The following PCDHGA1 variants were observed in gnomAD, a reference collection of about 807,000 sequenced individuals.
PCDHGA1 encodes the protein protocadherin gamma-A1.
In PCDHGA1, 32 loss-of-function variants were observed where a neutral mutation model predicts 58.0. The observed-to-expected ratio is 0.55, with a 90% CI of 0.42 to 0.74. PCDHGA1 has a LOEUF of 0.74. PCDHGA1 is among the 30% of genes least tolerant of loss of function. The pLI, the probability that PCDHGA1 is intolerant of heterozygous loss-of-function variation, is 0.00. For synonymous variants in PCDHGA1, 498 were observed against 501.1 expected (o/e 0.99, Z 0.08); for missense variants, 1,205 against 1,182.3 (o/e 1.02, Z -0.28).
intron 1 of PCDHGA1, chr5:141,403,657 A>G (rs753978186): frequency 2.5e-6 from 4 of 1,613,924 alleles, no homozygotes; most frequent in East Asian, 2.2e-5. Context: ...TGTTGGATAC[A>G]AATGATAATG....
At chr5:141,357,773 T>C in intron 1 of PCDHGA1, 1 of 917,442 alleles carries the variant, frequency 1.1e-6, no homozygotes, top group Non-Finnish European at 1.6e-6. Context: ...CTTCCAATAA[T>C]GATCAACAGT....
intron 1 of PCDHGA1, among the ~76,000 whole-genome samples, chr5:141,425,603 A>G (rs2096884807): frequency 6.6e-6 from 1 of 152,218 alleles, no homozygotes; most frequent in Non-Finnish European, 1.5e-5. Context: ...TATGCCCTAT[A>G]TAGCTTTCAG....
At chr5:141,355,564 G>A in intron 1 of PCDHGA1, 2 of 1,614,036 alleles carry the variant, frequency 1.2e-6, no homozygotes, top group South Asian at 1.1e-5. Context: ...GGTAGAGGTG[G>A]AAATAATCGA....
chr5:141,412,357 T>A (rs756056496), intron 1 of PCDHGA1: 17 of 152,366 alleles, frequency 1.1e-4, no homozygotes, highest in Middle Eastern at 3.4e-3. Context: ...TAGTTTGTGA[T>A]TACCTGCTTA....
At position 141,352,128 on chromosome 5, in the gene PCDHGA1, G is replaced by T. The variant is rs369451031; in HGVS notation, c.2421+19023G>T. The T allele has an allele frequency of 5.0e-6, 8 of 1,610,058 alleles. No homozygotes were observed. The African/African-American group carries it at 1.1e-4, about 21-fold the overall frequency. On this transcript the variant is annotated intron_variant, in intron 1 of 3. Coordinates refer to ENST00000517417, the MANE Select transcript of PCDHGA1 (RefSeq NM_018912.3). ...CTGGGGTTGCGCACGGGTGAGGTGC[G>T]CACAGCGCGTGCCTTGGGCGACAGG...
intron 1 of PCDHGA1, among the ~76,000 whole-genome samples, chr5:141,460,963 G>A (rs760674165): frequency 3.0e-4 from 27 of 89,804 alleles, no homozygotes; most frequent in Admixed American, 4.3e-4. Context: ...ATATATATAT[G>A]TGTGTGTGTG....
In PCDHGA1 at chr5:141,409,721, G is replaced by A. The variant is rs892686024; in HGVS notation, c.2421+76616G>A. On this transcript the variant is annotated intron_variant, in intron 1 of 3. Transcript: ENST00000517417. ...CCTGGCGGTGTCGTCATACGTGTCA[G>A]TGAGCGCGCAGAGCGGGGTGGTGTT... The A allele has an allele frequency of 6.8e-6, 11 of 1,613,114 alleles. No homozygotes were observed. The highest frequency in any genetic ancestry group is 6.7e-5 in the East Asian group (3 of 44,892).
In PCDHGA1 at chr5:141,487,198, T is replaced by C; in HGVS notation, c.2422-7609T>C. ...AAGACACTCATCCAGTTGTCCCAGA[T>C]CTTCGAGAATCTTCAGCTCCAAGGG... On this transcript the variant is annotated intron_variant, in intron 1 of 3. Transcript: ENST00000517417. The surrounding 1 kb of genome is among the most constrained non-coding windows in gnomAD (Gnocchi z 5.0). The C allele has an allele frequency of 6.2e-7, 1 of 1,613,854 alleles. No homozygotes were observed.
chr5:141,374,569 G>A, intron 1 of PCDHGA1: 2 of 1,613,666 alleles, frequency 1.2e-6, no homozygotes, highest in African/African-American at 1.3e-5. Context: ...ACCCTGATGT[G>A]GGAATGAACT....
At chr5:141,418,013 A>G (rs769578436) in intron 1 of PCDHGA1, 45 of 1,613,788 alleles carry the variant, frequency 2.8e-5, no homozygotes, top group African/African-American at 4.0e-5. Flanking sequence ...GAACCTCGCT[A>G]AGGATCTAGG....
intron 3 of PCDHGA1, among the ~76,000 whole-genome samples, chr5:141,505,765 T>C (rs970212345): frequency 5.3e-5 from 8 of 151,922 alleles, no homozygotes; most frequent in African/African-American, 1.9e-4. Flanking sequence ...ACAGTGTAGC[T>C]CAGGTCCTAG....
chr5:141,499,689 CTTTTTTTT>C (rs545067566), intron 2 of PCDHGA1, among the ~76,000 whole-genome samples: 2 of 119,856 alleles, frequency 1.7e-5, no homozygotes, highest in Non-Finnish European at 3.5e-5. Flanking sequence ...TAACAGATGA[CTTTTTTTT>C]TTTTTTTTTT....
intron 1 of PCDHGA1, chr5:141,345,178 T>C: frequency 6.2e-7 from 1 of 1,613,884 alleles, no homozygotes; most frequent in South Asian, 1.1e-5. Context: ...AATGGGCAGG[T>C]TGAAGTTTTT....
intron 1 of PCDHGA1, chr5:141,376,145 G>A: frequency 6.2e-7 from 1 of 1,613,994 alleles, no homozygotes; most frequent in Non-Finnish European, 8.5e-7. Context: ...CAACGATTCG[G>A]ACCTCACTCT....
rs1561685937 is a variant in PCDHGA1 at position 141,403,112 on chromosome 5, C to T, written c.2421+70007C>T. On this transcript the variant is annotated intron_variant, in intron 1 of 3. Coordinates refer to ENST00000517417, the MANE Select transcript of PCDHGA1 (RefSeq NM_018912.3). ...GGGCAACATCTCCAAGGACCTGGCT[C>T]TGGAGCCCCGGGAGCTGGCGGAGCG... 5.6e-6 allele frequency: 9 copies of T among 1,614,074 alleles called. No individual in the cohort carries two copies. In the East Asian group the frequency reaches 2.0e-4, roughly 36 times the overall value.
chr5:141,345,402 T>G, intron 1 of PCDHGA1: 2 of 1,613,996 alleles, frequency 1.2e-6, no homozygotes, highest in East Asian at 2.2e-5. Flanking sequence ...TCATTTATCC[T>G]ACTCCGCCTA....
intron 1 of PCDHGA1, chr5:141,341,381 G>T: frequency 6.2e-7 from 1 of 1,614,234 alleles, no homozygotes; most frequent in Non-Finnish European, 8.5e-7. Flanking sequence ...AGAAAGAGAA[G>T]AAACGTTTTC....
chr5:141,477,224 G>C lies in PCDHGA1; in HGVS notation c.2422-17583G>C. 6.2e-7 allele frequency: 1 copy of C among 1,614,200 alleles called. No individual in the cohort carries two copies. The highest frequency in any genetic ancestry group is 8.5e-7 in the Non-Finnish European group (1 of 1,180,046). Reference sequence around the variant, plus strand: ...ACCCGAGGATGCCCCTCTGGGGACTGTCATCGCTTTGCTCAGTGTGACTGA... The same window carrying C: ...ACCCGAGGATGCCCCTCTGGGGACTCTCATCGCTTTGCTCAGTGTGACTGA... On this transcript the variant is annotated intron_variant, in intron 1 of 3. Transcript: ENST00000517417. The surrounding 1 kb of genome is among the most constrained non-coding windows in gnomAD (Gnocchi z 4.9).
At chr5:141,351,295 C>A in intron 1 of PCDHGA1, 3 of 1,613,808 alleles carry the variant, frequency 1.9e-6, no homozygotes, top group South Asian at 1.1e-5. Context: ...AGGTGACATT[C>A]ATGTCCTTCT....
Sources: gnomAD v4.1 joint callset for allele counts (sites outside exome capture counted in the v4.1 genomes callset) on GRCh38, gnomAD v4.1.1 for gene constraint, Gnocchi (gnomAD v3.1) non-coding constraint, MANE v1.5 for transcripts, NCBI Gene and HGNC (gene_info 2026-07-23, HGNC 2026-07-21) for gene names.